CDK19: variants seen among roughly 807,000 people sequenced by gnomAD.
CDK19 encodes cyclin-dependent kinase 19.
Under a neutral mutation model 68.3 loss-of-function variants are expected in CDK19, and 20 were observed. The observed-to-expected ratio is 0.29, with a 90% CI of 0.21 to 0.43. The LOEUF (loss-of-function observed/expected upper bound fraction) is 0.43, where lower values mean the gene tolerates loss of function less well. Ranked by LOEUF, CDK19 falls within the 20% of genes least tolerant of loss-of-function variation. The pLI, the probability that CDK19 is intolerant of heterozygous loss-of-function variation, is 1.00. For missense variants in CDK19, 339 were observed against 623.5 expected (o/e 0.54, Z 4.86); for synonymous variants, 221 against 222.8 (o/e 0.99, Z 0.07).
chr6:110,719,183 G>A (rs1319603752), intron 2 of CDK19, among the ~76,000 whole-genome samples: 4 of 151,878 alleles, frequency 2.6e-5, no homozygotes, highest in Non-Finnish European at 5.9e-5. Flanking sequence ...AACACCACAA[G>A]ATAGCAGAAA....
At chr6:110,730,489 G>T (rs1004006101) in intron 2 of CDK19, among the ~76,000 whole-genome samples, 3 of 152,154 alleles carry the variant, frequency 2.0e-5, no homozygotes, top group African/African-American at 7.2e-5. Flanking sequence ...ACATAATTAT[G>T]GATACAAATA....
Position 110,614,489 on chromosome 6 carries a change from G to A in CDK19, c.*46C>T. 6.3e-7 allele frequency: 1 copy of A among 1,590,270 alleles called. No individual in the cohort carries two copies. The highest frequency in any genetic ancestry group is 8.6e-7 in the Non-Finnish European group (1 of 1,166,210). On this transcript the variant is annotated 3_prime_UTR_variant, in exon 13 of 13. Coordinates refer to ENST00000368911, the MANE Select transcript of CDK19 (RefSeq NM_015076.5). ...TTCTTTTCAATGCAGACATATTGCT[G>A]GAGCCTGTGCTCTGGGCTGGGCTGG...
At chr6:110,627,218 T>A in intron 6 of CDK19, 73 bp from the exon 7 acceptor site, 1 of 1,119,318 alleles carries the variant, frequency 8.9e-7, no homozygotes, top group Non-Finnish European at 1.3e-6. Context: ...CCCAGCCTAC[T>A]TATAAAAATA....
At chr6:110,803,161 C>G (rs1782452482) in intron 1 of CDK19, among the ~76,000 whole-genome samples, 2 of 152,026 alleles carry the variant, frequency 1.3e-5, no homozygotes, top group Admixed American at 6.6e-5. Flanking sequence ...CTCACTGCAA[C>G]CTCCGCCTCC....
intron 1 of CDK19, among the ~76,000 whole-genome samples, chr6:110,761,200 A>G (rs1479395759): frequency 1.3e-5 from 2 of 152,128 alleles, no homozygotes; most frequent in East Asian, 3.8e-4. Flanking sequence ...CTCCTGCCTC[A>G]GCCTCCAGAG....
chr6:110,808,413 A>G (rs995728141), intron 1 of CDK19, among the ~76,000 whole-genome samples: 8 of 152,328 alleles, frequency 5.3e-5, no homozygotes, highest in Admixed American at 5.2e-4. Context: ...ATAAAGGTCT[A>G]CTGGAACACA....
chr6:110,734,611 TCTCCCTTCTC>T (rs1777091222), intron 2 of CDK19, among the ~76,000 whole-genome samples: 1 of 141,686 alleles, frequency 7.1e-6, no homozygotes, highest in Admixed American at 7.7e-5. Flanking sequence ...CCTTCTACAT[TCTCCCTTCTC>T]CACCTGGCTA....
At chr6:110,656,424 G>A (rs1305733059) in intron 4 of CDK19, among the ~76,000 whole-genome samples, 1 of 152,126 alleles carries the variant, frequency 6.6e-6, no homozygotes, top group African/African-American at 2.4e-5. Context: ...GTACACTATA[G>A]GCTAAATAGG....
chr6:110,791,696 C>T (rs189808431), intron 1 of CDK19, among the ~76,000 whole-genome samples: 1 of 152,170 alleles, frequency 6.6e-6, no homozygotes, highest in East Asian at 1.9e-4. Context: ...CTCACTATGT[C>T]GCCCAGGCTG....
At chr6:110,693,502 T>C (rs1448161573) in intron 2 of CDK19, among the ~76,000 whole-genome samples, 3 of 152,342 alleles carry the variant, frequency 2.0e-5, no homozygotes, top group South Asian at 4.1e-4. Context: ...AGTTATGCCC[T>C]GGGGTGAGAG....
chr6:110,801,862 A>G (rs1782370039), intron 1 of CDK19, among the ~76,000 whole-genome samples: 1 of 152,214 alleles, frequency 6.6e-6, no homozygotes, highest in African/African-American at 2.4e-5. Context: ...CCTATTAAAA[A>G]GTGAGCGAAG....
intron 2 of CDK19, among the ~76,000 whole-genome samples, chr6:110,735,963 A>C (rs1777221034): frequency 6.6e-6 from 1 of 152,322 alleles, no homozygotes; most frequent in South Asian, 2.1e-4. Flanking sequence ...TGAGAATCTG[A>C]GGAACCTGTG....
intron 4 of CDK19, 54 bp from the exon 5 acceptor site, chr6:110,638,760 C>A: frequency 1.1e-6 from 1 of 948,322 alleles, no homozygotes; most frequent in South Asian, 1.4e-5. Context: ...TTGACATGCT[C>A]TAAAATGGAG....
At chr6:110,647,003 C>T (rs1194043546) in intron 4 of CDK19, among the ~76,000 whole-genome samples, 2 of 152,160 alleles carry the variant, frequency 1.3e-5, no homozygotes, top group Admixed American at 1.3e-4. Flanking sequence ...AGAGGAGGGT[C>T]TCCACCTATG....
intron 2 of CDK19, among the ~76,000 whole-genome samples, chr6:110,734,520 G>GCTCTCTCTCTCTCTCT (rs34004722): frequency 0.08 from 6,809 of 85,590 alleles, 1,604 homozygotes; most frequent in Non-Finnish European, 0.11. Flanking sequence ...GGTGAGCACT[G>GCTCTCTCTCTCTCTCT]CTCTCTCTCT....
chr6:110,783,600 T>C (rs1780977035), intron 1 of CDK19, among the ~76,000 whole-genome samples: 2 of 150,138 alleles, frequency 1.3e-5, no homozygotes, highest in African/African-American at 4.9e-5. Flanking sequence ...ATCACACCAT[T>C]GCTCTCCAGC....
intron 2 of CDK19, among the ~76,000 whole-genome samples, chr6:110,673,933 C>T (rs891386007): frequency 1.3e-5 from 2 of 152,044 alleles, no homozygotes; most frequent in African/African-American, 2.4e-5. Flanking sequence ...ATAGTTACTT[C>T]GTTGCTTCAC....
At chr6:110,788,300 C>A (rs1487044812) in intron 1 of CDK19, among the ~76,000 whole-genome samples, 1 of 151,880 alleles carries the variant, frequency 6.6e-6, no homozygotes, top group Non-Finnish European at 1.5e-5. Context: ...ATATCTAGGA[C>A]TACAGGTTTG....
At chr6:110,625,491 C>T (rs532087686) in intron 8 of CDK19, among the ~76,000 whole-genome samples, 22 of 151,580 alleles carry the variant, frequency 1.5e-4, no homozygotes, top group Non-Finnish European at 2.5e-4. Flanking sequence ...TGTACCCTTG[C>T]GAACAAGGGT....
Sources: gnomAD v4.1 joint callset for allele counts (sites outside exome capture counted in the v4.1 genomes callset) on GRCh38, gnomAD v4.1.1 for gene constraint, MANE v1.5 for transcripts, NCBI Gene and HGNC (gene_info 2026-07-23, HGNC 2026-07-21) for gene names.